Variants in PHLDB2 observed in about 807,000 individuals in gnomAD.
PHLDB2 encodes pleckstrin homology like domain family B member 2.
A neutral mutation model predicts 123.6 loss-of-function variants in PHLDB2; 71 were observed. The observed-to-expected ratio is 0.57, with a 90% CI of 0.47 to 0.70. The LOEUF (loss-of-function observed/expected upper bound fraction) is 0.70, where lower values mean the gene tolerates loss of function less well. Ranked by LOEUF, PHLDB2 falls within the 30% of genes least tolerant of loss-of-function variation. The pLI, the probability that PHLDB2 is intolerant of heterozygous loss-of-function variation, is 0.00. For missense variants in PHLDB2, 1,446 were observed against 1,519.5 expected (o/e 0.95, Z 0.80); for synonymous variants, 547 against 541.6 (o/e 1.01, Z -0.14).
chr3:111,890,662 T>C (rs1407513495), intron 2 of PHLDB2, among the ~76,000 whole-genome samples: 1 of 152,036 alleles, frequency 6.6e-6, no homozygotes. Flanking sequence ...TTCACCTGGA[T>C]TTTTTTTAAT....
At chr3:111,912,112 A>G (rs897357585) in intron 2 of PHLDB2, among the ~76,000 whole-genome samples, 5 of 152,228 alleles carry the variant, frequency 3.3e-5, no homozygotes, top group African/African-American at 1.2e-4. Context: ...TGTGATCACA[A>G]TAGATGGTTT....
intron 1 of PHLDB2, among the ~76,000 whole-genome samples, chr3:111,820,504 C>T (rs1028930495): frequency 4.6e-5 from 7 of 152,184 alleles, no homozygotes; most frequent in African/African-American, 1.7e-4. Flanking sequence ...TTTTCAATCT[C>T]TTTTGTGATC....
At chr3:111,758,274 C>G (rs928326408) in intron 1 of PHLDB2, among the ~76,000 whole-genome samples, 3 of 152,212 alleles carry the variant, frequency 2.0e-5, no homozygotes, top group Non-Finnish European at 4.4e-5. Context: ...GAGCTTCCCG[C>G]CTGCTTTGTT....
chr3:111,853,355 G>T (rs1344127745), intron 2 of PHLDB2, among the ~76,000 whole-genome samples: 1 of 152,140 alleles, frequency 6.6e-6, no homozygotes, highest in African/African-American at 2.4e-5. Flanking sequence ...TCTAAGAAAT[G>T]AAAGTACATT....
chr3:111,797,007 T>A (rs935048937), intron 1 of PHLDB2, among the ~76,000 whole-genome samples: 1 of 152,232 alleles, frequency 6.6e-6, no homozygotes, highest in Non-Finnish European at 1.5e-5. Context: ...AACCCTTTTC[T>A]AGCTCAGGAT....
At chr3:111,905,545 CAG>C (rs2067463386) in intron 2 of PHLDB2, among the ~76,000 whole-genome samples, 1 of 151,958 alleles carries the variant, frequency 6.6e-6, no homozygotes, top group Non-Finnish European at 1.5e-5. Flanking sequence ...TTAGTAGAGA[CAG>C]GGTTTCACCA....
At chr3:111,921,378 G>T (rs989872223) in intron 5 of PHLDB2, among the ~76,000 whole-genome samples, 5 of 152,180 alleles carry the variant, frequency 3.3e-5, no homozygotes, top group Admixed American at 2.6e-4. Flanking sequence ...GTGGTAATGT[G>T]TAGAAAGAAT....
intron 2 of PHLDB2, among the ~76,000 whole-genome samples, chr3:111,851,193 TTA>T (rs2064237273): frequency 1.5e-5 from 1 of 68,224 alleles, no homozygotes; most frequent in African/African-American, 4.0e-5. Flanking sequence ...AGATTCTGTC[TTA>T]AAAAAAAAAA....
At chr3:111,763,226 C>G (rs1410077877) in intron 1 of PHLDB2, among the ~76,000 whole-genome samples, 1 of 152,234 alleles carries the variant, frequency 6.6e-6, no homozygotes, top group Admixed American at 6.5e-5. Context: ...TCTTCACACA[C>G]TGTTTATGCT....
intron 12 of PHLDB2, among the ~76,000 whole-genome samples, chr3:111,955,530 A>G (rs1464942180): frequency 6.6e-6 from 1 of 152,156 alleles, no homozygotes; most frequent in Admixed American, 6.5e-5. Flanking sequence ...AGCTCACTGC[A>G]AACTCTGCCA....
intron 1 of PHLDB2, among the ~76,000 whole-genome samples, chr3:111,883,425 A>G (rs879719868): frequency 1.6e-4 from 24 of 152,296 alleles, no homozygotes; most frequent in Non-Finnish European, 3.2e-4. Context: ...TAAATATACC[A>G]TCCCGACCAT....
At chr3:111,937,624 A>C (rs768065566) in intron 6 of PHLDB2, among the ~76,000 whole-genome samples, 7 of 151,966 alleles carry the variant, frequency 4.6e-5, no homozygotes, top group Non-Finnish European at 8.8e-5. Context: ...AAAAGTACAA[A>C]AATTAGCCAG....
In PHLDB2 at chr3:111,885,279, C is replaced by T; in HGVS notation, c.1202C>T (p.Ala401Val). The part of the protein sequence containing the change: ...DEADLESLRQ[A>V]SGTPQPALRE... ...GCAGATTTGGAAAGCCTCAGACAGGCCTCAGGAACCCCCCAGCCTGCCCTT... is the reference window on the plus strand; with the variant it reads ...GCAGATTTGGAAAGCCTCAGACAGGTCTCAGGAACCCCCCAGCCTGCCCTT... The change falls in exon 2 of 18, where the codon GCC becomes GTC. Residue 401 changes from alanine to valine, a missense_variant. Physicochemically the swap from Ala to Val is moderately conservative, Grantham distance 64 (BLOSUM62 0). Transcript: ENST00000431670. 1 of 1,614,158 alleles carries T rather than the reference C, an allele frequency of 6.2e-7. No homozygotes were observed. Among genetic ancestry groups the T allele is most frequent in the Non-Finnish European group, 8.5e-7 (1 of 1,180,030 alleles).
chr3:111,737,043 G>A (rs2059519348), intron 1 of PHLDB2, among the ~76,000 whole-genome samples: 2 of 152,150 alleles, frequency 1.3e-5, no homozygotes, highest in African/African-American at 4.8e-5. Flanking sequence ...GTTGCCAAAT[G>A]GCATGGAACC....
At chr3:111,969,574 A>G in intron 15 of PHLDB2, 116 bp from the exon 16 acceptor site, 1 of 760,280 alleles carries the variant, frequency 1.3e-6, no homozygotes. Flanking sequence ...AGCTCTTTTA[A>G]TCATATAGGC....
At chr3:111,753,855 G>T (rs1309373068) in intron 1 of PHLDB2, among the ~76,000 whole-genome samples, 2 of 152,164 alleles carry the variant, frequency 1.3e-5, no homozygotes, top group African/African-American at 4.8e-5. Flanking sequence ...TCCAGTTTCA[G>T]CTTTCTACAT....
chr3:111,829,472 T>G (rs1250916598), intron 1 of PHLDB2, among the ~76,000 whole-genome samples: 3 of 146,080 alleles, frequency 2.1e-5, no homozygotes, highest in Non-Finnish European at 4.5e-5. Flanking sequence ...TTTTTTGGTT[T>G]TTTTTTTTTT....
At chr3:111,775,889 A>G (rs138902138) in intron 1 of PHLDB2, among the ~76,000 whole-genome samples, 2 of 152,328 alleles carry the variant, frequency 1.3e-5, no homozygotes, top group African/African-American at 2.4e-5. Flanking sequence ...TCTTTCTAAA[A>G]TAAGTTTTAA....
At chr3:111,914,552 G>A (rs2068062744) in intron 3 of PHLDB2, 1 of 152,040 alleles carries the variant, frequency 6.6e-6, no homozygotes, top group African/African-American at 2.4e-5. Flanking sequence ...TATACATCAA[G>A]TTGGGGATCT....
Sources: allele counts gnomAD v4.1 joint callset (sites outside exome capture counted in the v4.1 genomes callset), GRCh38; gene constraint gnomAD v4.1.1; transcripts MANE v1.5; gene names NCBI Gene and HGNC (gene_info 2026-07-23, HGNC 2026-07-21).